ZDHHC9: variants seen among roughly 807,000 people sequenced by gnomAD.
ZDHHC9 encodes the protein zDHHC palmitoyltransferase 9, also known as palmitoyltransferase ZDHHC9.
In ZDHHC9, 3 loss-of-function variants were observed where a neutral mutation model predicts 26.6. The observed-to-expected ratio is 0.11, with a 90% CI of 0.05 to 0.29. The LOEUF is 0.29. Ranked by LOEUF, ZDHHC9 falls within the 10% of genes least tolerant of loss-of-function variation. The pLI is 1.00. For missense variants in ZDHHC9, 146 were observed against 296.4 expected (o/e 0.49, Z 3.73); for synonymous variants, 111 against 109.4 (o/e 1.01, Z -0.09).
rs779819713 is a variant in ZDHHC9, at chrX:129,807,454, G to GAAAAA, written c.979-973_979-969dup. Among the ~76,000 whole-genome samples the GAAAAA allele has an allele frequency of 8.4e-4, 23 of 27,388 alleles. No individual in the cohort carries two copies. The South Asian group carries it at 0.035, about 42-fold the overall frequency. 23.8% of individuals were successfully genotyped at this position (27,388 alleles called of 115,157 possible). A position where few individuals can be genotyped will look rare whatever the true frequency, so the allele number is the denominator to read the frequency against. ...GGCGACAGAGCGAGACTCCGTCTCA[G>GAAAAA]AAAAAAAAAAAAAAAAAAAAAGTAT... On this transcript the variant is annotated intron_variant, in intron 10 of 10. Transcript: ENST00000357166.
chrX:129,812,330 C>G (rs1927661404), intron 8 of ZDHHC9, among the ~76,000 whole-genome samples: 1 of 112,514 alleles, frequency 8.9e-6, no homozygotes, highest in African/African-American at 3.2e-5. Context: ...GGTGATCCGC[C>G]CGCCTCAGCC....
At chrX:129,825,004 G>A (rs1927980172) in intron 4 of ZDHHC9, among the ~76,000 whole-genome samples, 1 of 112,094 alleles carries the variant, frequency 8.9e-6, no homozygotes, top group African/African-American at 3.2e-5. Flanking sequence ...TAAAAATTTT[G>A]GAAAAAAACA....
chrX:129,808,387 T>C (rs1207725756), intron 10 of ZDHHC9, among the ~76,000 whole-genome samples: 4 of 112,207 alleles, frequency 3.6e-5, no homozygotes, highest in African/African-American at 1.3e-4. Flanking sequence ...AGCAATACAA[T>C]AGAACTGAAA....
intron 5 of ZDHHC9, among the ~76,000 whole-genome samples, chrX:129,815,815 A>C (rs1927744713): frequency 8.9e-6 from 1 of 112,529 alleles, no homozygotes; most frequent in African/African-American, 3.2e-5. Flanking sequence ...CTTAGAAATC[A>C]ATAGGAAAAT....
At chrX:129,833,094 G>A (rs1470348750) in intron 3 of ZDHHC9, among the ~76,000 whole-genome samples, 1 of 111,345 alleles carries the variant, frequency 9.0e-6, no homozygotes, top group Non-Finnish European at 1.9e-5. Context: ...GAACTCTCCT[G>A]TATTCAAAGT....
chrX:129,838,696 TA>T (rs60788077), intron 3 of ZDHHC9, among the ~76,000 whole-genome samples: 20 of 102,539 alleles, frequency 2.0e-4, no homozygotes, highest in Middle Eastern at 4.8e-3. Flanking sequence ...AAAAAATAAT[TA>T]AAAAAAAAAA....
At chrX:129,823,506 T>C in intron 5 of ZDHHC9, 173 bp downstream of exon 5, 1 of 510,655 alleles carries the variant, frequency 2.0e-6, no homozygotes, top group Non-Finnish European at 3.3e-6. Flanking sequence ...TCTACACAAG[T>C]ACAGCTGATT....
intron 3 of ZDHHC9, 119 bp from the exon 4 acceptor site, chrX:129,829,260 C>A: frequency 1.2e-6 from 1 of 831,801 alleles, no homozygotes; most frequent in Non-Finnish European, 1.7e-6. Context: ...GGGCAGGGAC[C>A]ATGTTTCTTC....
intron 4 of ZDHHC9, 147 bp downstream of exon 4, chrX:129,828,834 A>G: frequency 3.8e-6 from 3 of 783,556 alleles, no homozygotes; most frequent in South Asian, 4.4e-5. Context: ...TACTAAATTC[A>G]CGGGGTAGTC....
chrX:129,832,866 T>A (rs774261449), intron 3 of ZDHHC9, among the ~76,000 whole-genome samples: 4 of 104,916 alleles, frequency 3.8e-5, no homozygotes, highest in Non-Finnish European at 7.7e-5. Context: ...CTCGGGAAGC[T>A]GAGACAGGAG....
At chrX:129,827,778 C>T (rs1172108201) in intron 4 of ZDHHC9, among the ~76,000 whole-genome samples, 1 of 105,734 alleles carries the variant, frequency 9.5e-6, no homozygotes, top group African/African-American at 3.4e-5. Flanking sequence ...CCCCCTTTCA[C>T]ATTGCATGTT....
intron 4 of ZDHHC9, among the ~76,000 whole-genome samples, chrX:129,824,673 G>A (rs1026156477): frequency 2.7e-5 from 3 of 111,797 alleles, no homozygotes; most frequent in Non-Finnish European, 5.6e-5. Flanking sequence ...TGAGATATAC[G>A]AAAGATGTTT....
chrX:129,842,468 C>T (rs1928404654), intron 2 of ZDHHC9, among the ~76,000 whole-genome samples: 2 of 112,881 alleles, frequency 1.8e-5, no homozygotes, highest in South Asian at 7.2e-4. Context: ...AATGCTGATA[C>T]TGCTAACTTC....
intron 3 of ZDHHC9, among the ~76,000 whole-genome samples, chrX:129,830,586 C>T (rs1213912601): frequency 9.0e-6 from 1 of 111,695 alleles, no homozygotes; most frequent in Non-Finnish European, 1.9e-5. Flanking sequence ...TTTTATCCTC[C>T]TCCTCCTGAG....
chrX:129,806,165 C>T lies in ZDHHC9; in HGVS notation c.*205G>A. ...CCATTTTTCCAGTTATCAGAGGTGA[C>T]TGACATCTTCTGCCACTGCCTTGAG... On this transcript the variant is annotated 3_prime_UTR_variant, in exon 11 of 11. Transcript: ENST00000357166. 2.1e-6 allele frequency: 1 copy of T among 470,440 alleles called. No individual in the cohort carries two copies. Among genetic ancestry groups the T allele is most frequent in the South Asian group, 2.9e-5 (1 of 33,991 alleles). 38.8% of individuals were successfully genotyped at this position (470,440 alleles called of 1,213,427 possible).
intron 2 of ZDHHC9, among the ~76,000 whole-genome samples, chrX:129,842,894 G>A (rs942980989): frequency 7.1e-5 from 8 of 112,527 alleles, no homozygotes; most frequent in African/African-American, 2.6e-4. Flanking sequence ...TGGTTGGGGG[G>A]TGGGGAATGG....
chrX:129,826,501 C>T (rs769427814), intron 4 of ZDHHC9, among the ~76,000 whole-genome samples: 14 of 111,831 alleles, frequency 1.3e-4, no homozygotes, highest in African/African-American at 4.2e-4. Flanking sequence ...GCCCCAGGCC[C>T]AGTGATCAGG....
intron 3 of ZDHHC9, among the ~76,000 whole-genome samples, chrX:129,840,392 C>T (rs1305717041): frequency 9.0e-6 from 1 of 111,511 alleles, no homozygotes; most frequent in Admixed American, 9.6e-5. Flanking sequence ...GCAAGGAATA[C>T]TTGGAGAGAA....
Position 129,806,332 on chromosome X carries a change from C to T in ZDHHC9, c.*38G>A. 9.0e-7 allele frequency: 1 copy of T among 1,116,918 alleles called. No homozygotes were observed. Among genetic ancestry groups the T allele is most frequent in the Non-Finnish European group, 1.2e-6 (1 of 809,272 alleles). The allele number at this position is 1,116,918 out of a possible 1,213,427, so 92.0% of individuals were successfully genotyped here. On this transcript the variant is annotated 3_prime_UTR_variant, in exon 11 of 11. Transcript: ENST00000357166. ...TTCTCACCTGAAATCTCTCATAGCC[C>T]TAATTAAACACAAACAAAAGTCTCT...
Sources: gnomAD v4.1 joint callset for allele counts (sites outside exome capture counted in the v4.1 genomes callset) on GRCh38, gnomAD v4.1.1 for gene constraint, MANE v1.5 for transcripts, NCBI Gene and HGNC (gene_info 2026-07-23, HGNC 2026-07-21) for gene names.